The following LRRK1 variants were observed in gnomAD, a reference collection of about 807,000 sequenced individuals.
LRRK1 encodes the protein leucine-rich repeat serine/threonine-protein kinase 1.
A neutral mutation model predicts 209.1 loss-of-function variants in LRRK1; 113 were observed. That is an observed-to-expected ratio of 0.54 (90% CI 0.46 to 0.63). The LOEUF (loss-of-function observed/expected upper bound fraction) is 0.63. LRRK1 is among the 30% of genes least tolerant of loss of function. The pLI is 0.00. For missense variants in LRRK1, 2,284 were observed against 2,632.2 expected, an observed-to-expected ratio of 0.87 and a Z score of 2.89; for synonymous variants, 1,144 against 1,099.7, an observed-to-expected ratio of 1.04 and a Z score of -0.80.
Position 100,973,967 on chromosome 15 carries a change from G to A in LRRK1, c.261G>A (p.Lys87=), listed in dbSNP as rs2141653795. The change falls in exon 3 of 34, where the codon AAG becomes AAA. Residue 87 remains lysine (K), a splice_region_variant and synonymous_variant. Coordinates refer to ENST00000388948, the MANE Select transcript of LRRK1 (RefSeq NM_024652.6). The part of the protein sequence containing the change: ...ACDQCASQLE[K]GQLLSIPAAY... ...ACCAGTGCGCGTCCCAGCTGGAAAA[G>A]GTAGGGGAGCGCCTGCCCCTGCGGC... 4.0e-6 allele frequency: 5 copies of A among 1,248,046 alleles called. No individual in the cohort carries two copies. Among genetic ancestry groups the A allele is most frequent in the Non-Finnish European group, 4.0e-6 (4 of 990,488 alleles). The allele number at this position is 1,248,046 out of a possible 1,614,324, so 77.3% of individuals were successfully genotyped here.
rs531187289 is a variant in LRRK1, at chr15:100,944,005, T to C, written c.97+19276T>C. 3.3e-5 allele frequency among the ~76,000 whole-genome samples: 5 copies of C among 152,234 alleles called. No individual in the cohort carries two copies. In the South Asian group the frequency reaches 1.0e-3, roughly 32 times the overall value. ...GATCCCTTATCTTAAATGTTCAGCC[T>C]CCAGCCATTCATAATGAATGCCTTG... On this transcript the variant is annotated intron_variant, in intron 2 of 33. Transcript: ENST00000388948.
intron 22 of LRRK1, among the ~76,000 whole-genome samples, chr15:101,048,989 A>G (rs2035238194): frequency 6.6e-6 from 1 of 152,158 alleles, no homozygotes; most frequent in Non-Finnish European, 1.5e-5. Context: ...GTGACCTTGC[A>G]GCCATCCTGC....
intron 3 of LRRK1, among the ~76,000 whole-genome samples, chr15:100,981,255 G>A (rs1437705081): frequency 6.6e-6 from 1 of 152,168 alleles, no homozygotes; most frequent in East Asian, 1.9e-4. Context: ...ACCTCTAGAG[G>A]ATGGGGCTTT....
At chr15:100,942,289 C>T (rs1450891291) in intron 2 of LRRK1, among the ~76,000 whole-genome samples, 2 of 152,138 alleles carry the variant, frequency 1.3e-5, no homozygotes, top group African/African-American at 2.4e-5. Context: ...AATCTGTTTG[C>T]GGAATGGTTA....
At chr15:100,961,812 GTGA>G (rs1484154720) in intron 2 of LRRK1, among the ~76,000 whole-genome samples, 1 of 152,206 alleles carries the variant, frequency 6.6e-6, no homozygotes, top group Non-Finnish European at 1.5e-5. Context: ...CTTGTGGTGA[GTGA>G]TGATGAGAAG....
Position 101,027,358 on chromosome 15 carries a change from T to C in LRRK1, c.2503T>C (p.Cys835Arg). The change falls in exon 18 of 34, where the codon TGC becomes CGC. Residue 835 changes from cysteine (C) to arginine (R), a missense_variant. Transcript: ENST00000388948. The surrounding 1 kb of genome is among the most constrained non-coding windows in gnomAD (Gnocchi z 5.1). Reference protein sequence around the residue: ...SMKDVGSTIGCQRLAGRLIPR... With the variant: ...SMKDVGSTIGRQRLAGRLIPR... Reference sequence around the variant, plus strand: ...GAAGGACGTGGGCAGCACCATCGGCTGCCAGCGACTGGCAGGGCGGCTGGT... The same window carrying C: ...GAAGGACGTGGGCAGCACCATCGGCCGCCAGCGACTGGCAGGGCGGCTGGT... The C allele has an allele frequency of 1.2e-6, 2 of 1,613,880 alleles. No individual in the cohort carries two copies. The highest frequency in any genetic ancestry group is 1.7e-6 in the Non-Finnish European group (2 of 1,180,002).
chr15:101,063,009 C>T (rs1388927844), intron 31 of LRRK1, among the ~76,000 whole-genome samples: 2 of 152,196 alleles, frequency 1.3e-5, no homozygotes. Flanking sequence ...GTGTGCCCTT[C>T]CCCTATCCGG....
rs73488854 is a variant in LRRK1 at position 101,027,907 on chromosome 15, C to A, written c.2686+110C>A. 2.0e-6 allele frequency: 2 copies of A among 1,007,448 alleles called. No homozygotes were observed. The highest frequency in any genetic ancestry group is 1.4e-6 in the Non-Finnish European group (1 of 698,484). The allele number at this position is 1,007,448 out of a possible 1,614,324, so 62.4% of individuals were successfully genotyped here. A position where few individuals can be genotyped will look rare whatever the true frequency, so the allele number is the denominator to read the frequency against. On this transcript the variant is annotated intron_variant, in intron 19 of 33. Transcript: ENST00000388948. This position sits in a 1 kb window ranked among gnomAD's most constrained non-coding sequence, Gnocchi z 5.1. ...GAATGAGAGACCGACACCCAGCCTGCGTTTCTGCCTTCCATCCCCCTCCCC... is the reference window on the plus strand; with the variant it reads ...GAATGAGAGACCGACACCCAGCCTGAGTTTCTGCCTTCCATCCCCCTCCCC...
rs189039817 is a variant in LRRK1 at position 101,044,713 on chromosome 15, C to T, written c.2964-1268C>T. On this transcript the variant is annotated intron_variant, in intron 20 of 33. Transcript: ENST00000388948. ...CTCCCCCCACTCTCTAAGCACACTC[C>T]GACAAGGAGAAGAGCAAGACAGACA... 3.1e-3 allele frequency among the ~76,000 whole-genome samples: 475 copies of T among 152,316 alleles called. 3 individuals are homozygous for T. The highest frequency in any genetic ancestry group is 8.2e-3 in the African/African-American group (341 of 41,564).
chr15:100,954,199 T>A (rs1411981195), intron 2 of LRRK1, among the ~76,000 whole-genome samples: 1 of 152,008 alleles, frequency 6.6e-6, no homozygotes, highest in African/African-American at 2.4e-5. Context: ...CAGGTGTGAG[T>A]CACCGTGCCC....
At chr15:100,974,486 A>AGCAGCAT (rs2141654522) in intron 3 of LRRK1, among the ~76,000 whole-genome samples, 1 of 152,290 alleles carries the variant, frequency 6.6e-6, no homozygotes, top group South Asian at 2.1e-4. Flanking sequence ...ATATATGGTG[A>AGCAGCAT]TGCAGCTGCT....
intron 31 of LRRK1, chr15:101,065,081 C>T: frequency 1.9e-6 from 1 of 524,508 alleles, no homozygotes; most frequent in Non-Finnish European, 3.4e-6. Flanking sequence ...GTCCAGGTGA[C>T]ACGCAGCCTT....
intron 3 of LRRK1, among the ~76,000 whole-genome samples, chr15:100,980,468 TTGATGGAACAGG>T (rs1297801019): frequency 2.6e-5 from 4 of 152,194 alleles, no homozygotes; most frequent in African/African-American, 9.6e-5. Flanking sequence ...GGGAGACCTT[TTGATGGAACAGG>T]TGATGGAACA....
intron 2 of LRRK1, among the ~76,000 whole-genome samples, chr15:100,950,437 C>A (rs926854860): frequency 3.3e-5 from 5 of 152,168 alleles, no homozygotes; most frequent in Non-Finnish European, 7.4e-5. Flanking sequence ...CTTATGCATT[C>A]AATGCAGTCT....
intron 6 of LRRK1, chr15:100,989,665 T>C (rs997708546): frequency 6.9e-6 from 4 of 575,824 alleles, no homozygotes; most frequent in African/African-American, 5.6e-5. Context: ...ACTTCCACAA[T>C]AACAACATCA....
At chr15:101,035,136 T>G (rs2034445416) in intron 20 of LRRK1, among the ~76,000 whole-genome samples, 1 of 152,122 alleles carries the variant, frequency 6.6e-6, no homozygotes, top group Admixed American at 6.5e-5. Context: ...TCTTTCCTTC[T>G]GCTGATTTTG....
At chr15:101,061,359 A>T (rs72766872) in intron 30 of LRRK1, 71 bp downstream of exon 30, 223,041 of 1,038,488 alleles carry the variant, frequency 0.21, 25,176 homozygotes, top group Admixed American at 0.26. Flanking sequence ...GGTGGGGGCC[A>T]CATTCATAAA....
intron 6 of LRRK1, among the ~76,000 whole-genome samples, chr15:100,992,610 T>C (rs780022692): frequency 5.9e-5 from 9 of 152,214 alleles, no homozygotes; most frequent in Non-Finnish European, 1.3e-4. Flanking sequence ...TAATTTTCAC[T>C]TCTGTCTGTA....
At chr15:100,933,094 G>A (rs1473564274) in intron 2 of LRRK1, among the ~76,000 whole-genome samples, 1 of 152,168 alleles carries the variant, frequency 6.6e-6, no homozygotes, top group Non-Finnish European at 1.5e-5. Context: ...GGCCTCCTGG[G>A]AGGCTCCTGC....
Sources: allele counts gnomAD v4.1 joint callset (sites outside exome capture counted in the v4.1 genomes callset), GRCh38; gene constraint gnomAD v4.1.1; non-coding constraint Gnocchi (gnomAD v3.1); transcripts MANE v1.5; gene names NCBI Gene and HGNC (gene_info 2026-07-23, HGNC 2026-07-21).